The following ADAMTS5 variants were observed in gnomAD, a reference collection of about 807,000 sequenced individuals.
ADAMTS5 encodes ADAM metallopeptidase with thrombospondin type 1 motif 5.
Under a neutral mutation model 81.4 loss-of-function variants are expected in ADAMTS5, and 54 were observed. The observed-to-expected ratio is 0.66, with a 90% CI of 0.53 to 0.83. ADAMTS5 has a LOEUF of 0.83. Ranked by LOEUF, ADAMTS5 falls within the 40% of genes least tolerant of loss-of-function variation. The probability of loss-of-function intolerance (pLI) is 0.00; values close to 1 mark genes in which losing one functional copy is unlikely to be tolerated. For missense variants in ADAMTS5, 1,194 were observed against 1,229.9 expected, an observed-to-expected ratio of 0.97 and a Z score of 0.44; for synonymous variants, 532 against 508.8, an observed-to-expected ratio of 1.05 and a Z score of -0.61.
rs377763499 is a variant in ADAMTS5, at chr21:26,945,282, A to C, written c.1238-1735T>G. ...TCCAAGATAGAAGATTTATCAGTTA[A>C]CACTGAGGGATATGGTGGAAATTTC... On this transcript the variant is annotated intron_variant, in intron 2 of 7. Transcript: ENST00000284987. 2.0e-5 allele frequency among the ~76,000 whole-genome samples: 3 copies of C among 152,314 alleles called. No individual in the cohort carries two copies. The East Asian group carries it at 5.8e-4, about 29-fold the overall frequency.
chr21:26,928,680 T>C (rs1372448851), intron 7 of ADAMTS5, among the ~76,000 whole-genome samples: 1 of 151,556 alleles, frequency 6.6e-6, no homozygotes, highest in Non-Finnish European at 1.5e-5. Flanking sequence ...TCTTTCTTTC[T>C]TTTTCTTTCT....
Position 26,923,996 on chromosome 21 carries a change from G to T in ADAMTS5, c.*57C>A. The T allele has an allele frequency of 2.7e-6, 4 of 1,501,096 alleles. No individual in the cohort carries two copies. In the South Asian group the frequency reaches 3.9e-5, roughly 15 times the overall value. The allele number at this position is 1,501,096 out of a possible 1,614,324, so 93.0% of individuals were successfully genotyped here. Reference sequence around the variant, plus strand: ...GTTAGGTAGACCTCCTGTTCACCACGACTGCATCAGTGCTGAATCCTCCAG... The same window carrying T: ...GTTAGGTAGACCTCCTGTTCACCACTACTGCATCAGTGCTGAATCCTCCAG... On this transcript the variant is annotated 3_prime_UTR_variant, in exon 8 of 8. Coordinates refer to ENST00000284987, the MANE Select transcript of ADAMTS5 (RefSeq NM_007038.5).
rs2123230282 is a variant in ADAMTS5, at chr21:26,923,381, C to G, written c.*672G>C. 1 of 152,256 alleles carries G rather than the reference C, an allele frequency of 6.6e-6. No homozygotes were observed. Among genetic ancestry groups the G allele is most frequent in the African/African-American group, 2.4e-5 (1 of 41,542 alleles). 9.4% of individuals were successfully genotyped at this position (152,256 alleles called of 1,614,324 possible). On this transcript the variant is annotated 3_prime_UTR_variant, in exon 8 of 8. Coordinates refer to ENST00000284987, the MANE Select transcript of ADAMTS5 (RefSeq NM_007038.5). ...GTGTATGTATTTAAGTGACTAGATACACTGAGATCTATTTACTTTTCAAAA... is the reference window on the plus strand; with the variant it reads ...GTGTATGTATTTAAGTGACTAGATAGACTGAGATCTATTTACTTTTCAAAA...
Position 26,966,252 on chromosome 21 carries a change from T to G in ADAMTS5, c.140A>C (p.Gln47Pro). The change falls in exon 1 of 8, where the codon CAG becomes CCG. Residue 47 changes from glutamine to proline, a missense_variant. Gln to Pro is a moderately conservative substitution (Grantham distance 76). Coordinates refer to ENST00000284987, the MANE Select transcript of ADAMTS5 (RefSeq NM_007038.5). ...GGCTCGCTCCTGCACCTCCTCCCCC[T>G]GCCGCCGGCGGGGCTGGGCGGCTGC... ...AAAAAQPRRR[Q>P]GEEVQERAEP... The G allele has an allele frequency of 1.3e-6, 2 of 1,596,026 alleles. No individual in the cohort carries two copies. The highest frequency in any genetic ancestry group is 1.7e-6 in the Non-Finnish European group (2 of 1,173,718).
Position 26,924,213 on chromosome 21 carries a change from T to C in ADAMTS5, c.2633A>G (p.Gln878Arg), listed in dbSNP as rs1198739022. The change falls in exon 8 of 8, where the codon CAG becomes CGG. Residue 878 changes from glutamine (Q) to arginine (R), a missense_variant. This residue lies in a region of ADAMTS5 where 696 missense variants were observed against 817.6 expected (regional missense o/e 0.85). Coordinates refer to ENST00000284987, the MANE Select transcript of ADAMTS5 (RefSeq NM_007038.5). ...GGCGAGCCATGGGCCCGTGACCCAC[T>C]GCGGCTGCGAAGTGTGTGATCCCAC... ...NKVGSHTSQP[Q>R]WVTGPWLACS... The C allele has an allele frequency of 1.2e-6, 2 of 1,614,120 alleles. No homozygotes were observed. The highest frequency in any genetic ancestry group is 2.2e-5 in the East Asian group (1 of 44,894).
In ADAMTS5 at chr21:26,943,726, A is replaced by G. The variant is rs185746578; in HGVS notation, c.1238-179T>C. Among the ~76,000 whole-genome samples the G allele has an allele frequency of 3.3e-5, 5 of 152,310 alleles. No homozygotes were observed. The East Asian group carries it at 9.6e-4, about 29-fold the overall frequency. On this transcript the variant is annotated intron_variant, in intron 2 of 7. Transcript: ENST00000284987. The stretch of plus-strand genomic sequence containing the variant: ...AAAAGTTGCATGGAGTTAGTGTAGC[A>G]GTTGCTTTTGGTGAACATTTCGATG...
At chr21:26,960,160 A>AATC (rs1381396090) in intron 1 of ADAMTS5, among the ~76,000 whole-genome samples, 2 of 152,138 alleles carry the variant, frequency 1.3e-5, no homozygotes, top group African/African-American at 4.8e-5. Context: ...TTCTTGACCC[A>AATC]ATCTATGCCT....
chr21:26,923,928 T>C lies in ADAMTS5; in HGVS notation c.*125A>G. 1 of 997,584 alleles carries C rather than the reference T, an allele frequency of 1.0e-6. No individual in the cohort carries two copies. The highest frequency in any genetic ancestry group is 1.8e-5 in the South Asian group (1 of 55,992). 61.8% of individuals were successfully genotyped at this position (997,584 alleles called of 1,614,324 possible). A position where few individuals can be genotyped will look rare whatever the true frequency, so the allele number is the denominator to read the frequency against. On this transcript the variant is annotated 3_prime_UTR_variant, in exon 8 of 8. Coordinates refer to ENST00000284987, the MANE Select transcript of ADAMTS5 (RefSeq NM_007038.5). ...ACAGAGAGCAGATTCTGCCCATAAT[T>C]GGACTCCTGTTGACAATGTCACTGA...
intron 1 of ADAMTS5, 114 bp downstream of exon 1, chr21:26,965,174 A>T: frequency 7.0e-7 from 1 of 1,422,108 alleles, no homozygotes; most frequent in Non-Finnish European, 9.5e-7. Context: ...AGAAGCAGTT[A>T]AACACATCCA....
At chr21:26,930,906 T>C (rs1986895654) in intron 6 of ADAMTS5, among the ~76,000 whole-genome samples, 1 of 152,202 alleles carries the variant, frequency 6.6e-6, no homozygotes, top group Non-Finnish European at 1.5e-5. Flanking sequence ...TTTCAGGTGA[T>C]TTTTATGTTT....
In ADAMTS5 at chr21:26,943,358, T is replaced by A. The variant is rs200779374; in HGVS notation, c.1405+22A>T. The A allele has an allele frequency of 8.5e-5, 136 of 1,596,392 alleles. No individual in the cohort carries two copies. The Middle Eastern group carries it at 1.0e-3, about 12-fold the overall frequency. On this transcript the variant is annotated intron_variant, in intron 3 of 7. Transcript: ENST00000284987. ...ATCCCAAATTTTGTTTCTCAGTCTG[T>A]GTTCTCCTAAATGATACATACCATG...
In ADAMTS5 at chr21:26,932,875, G is replaced by A. The variant is rs1230396169; in HGVS notation, c.1859C>T (p.Pro620Leu). Residue 620 changes from proline (P) to leucine (L), a missense_variant, in exon 5 of 8, where the codon CCC (proline) becomes CTC (leucine). Around this residue, in one of 2 missense-constraint regions of ADAMTS5, gnomAD observed 696 missense variants for 817.6 expected, o/e 0.85. Transcript: ENST00000284987. ...RAIYRSCSLMPCPPNGKSFRH... is the reference protein window; with the variant it reads ...RAIYRSCSLMLCPPNGKSFRH... ...GAGCAGCGTACCATTGGGTGGGCAG[G>A]GCATGAGACTGCAGGAGCGGTAGAT... The A allele has an allele frequency of 1.9e-6, 3 of 1,611,568 alleles. No individual in the cohort carries two copies. The African/African-American group carries it at 4.0e-5, about 22-fold the overall frequency.
rs202168459 is a variant in ADAMTS5, at chr21:26,966,017, G to A, written c.375C>T (p.Arg125=). 142 of 1,613,074 alleles carry A rather than the reference G, an allele frequency of 8.8e-5. No homozygotes were observed. Among genetic ancestry groups the A allele is most frequent in the Non-Finnish European group, 1.2e-4 (136 of 1,179,858 alleles). Residue 125 remains arginine (R), a synonymous_variant, in exon 1 of 8, where the codon CGC becomes CGT. Transcript: ENST00000284987. ...CCCGATAGAAGCAGTGGCTCCGGTG[G>A]CGCCAGGGCGCACTCGTCCCGCCTC... The part of the protein sequence containing the change: ...PAGGGTSAPW[R]HRSHCFYRGT...
At chr21:26,932,560 G>T (rs945998036) in intron 5 of ADAMTS5, among the ~76,000 whole-genome samples, 4 of 152,056 alleles carry the variant, frequency 2.6e-5, no homozygotes, top group Non-Finnish European at 5.9e-5. Context: ...AAATAGCCAA[G>T]TGTGGTGGTG....
intron 2 of ADAMTS5, among the ~76,000 whole-genome samples, chr21:26,945,647 T>C (rs1987201634): frequency 6.6e-6 from 1 of 152,148 alleles, no homozygotes; most frequent in Admixed American, 6.5e-5. Flanking sequence ...TTCAGAGAGG[T>C]GAAGCATGTA....
At chr21:26,950,864 A>T (rs985313608) in intron 2 of ADAMTS5, among the ~76,000 whole-genome samples, 4 of 151,218 alleles carry the variant, frequency 2.6e-5, no homozygotes, top group Non-Finnish European at 5.9e-5. Context: ...TCAAGGTAAG[A>T]TTTTTTTTTA....
rs1390610684 is a variant in ADAMTS5 at position 26,918,752 on chromosome 21, G to A, written c.*5301C>T. ...TATATTGTGAGTTGTTAAAGAAAAG[G>A]CTGAGATATAGTCACCAAGTGTTTA... On this transcript the variant is annotated 3_prime_UTR_variant, in exon 8 of 8. Transcript: ENST00000284987. 2.6e-5 allele frequency: 4 copies of A among 151,694 alleles called. No homozygotes were observed. The highest frequency in any genetic ancestry group is 1.3e-4 in the Admixed American group (2 of 15,190). The allele number at this position is 151,694 out of a possible 1,614,324, so 9.4% of individuals were successfully genotyped here.
chr21:26,935,027 T>G (rs1358788678), intron 3 of ADAMTS5, among the ~76,000 whole-genome samples: 1 of 152,140 alleles, frequency 6.6e-6, no homozygotes, highest in Non-Finnish European at 1.5e-5. Context: ...GATTCTGTAA[T>G]GATTAGTTGT....
intron 1 of ADAMTS5, among the ~76,000 whole-genome samples, chr21:26,958,538 C>G (rs1273139798): frequency 6.6e-6 from 1 of 152,104 alleles, no homozygotes; most frequent in Admixed American, 6.5e-5. Context: ...TTACGATGAC[C>G]CATTTTATAC....
Sources: allele counts gnomAD v4.1 joint callset (sites outside exome capture counted in the v4.1 genomes callset), GRCh38; gene constraint gnomAD v4.1.1; regional missense constraint gnomAD v4.1.1; transcripts MANE v1.5; gene names NCBI Gene and HGNC (gene_info 2026-07-23, HGNC 2026-07-21).